Variants in NRF1 observed in about 807,000 individuals in gnomAD.
NRF1 encodes alpha palindromic-binding protein.
NRF1 carries 5 observed loss-of-function variants against 58.5 expected under a neutral mutation model. The ratio of observed to expected loss-of-function variants is 0.09; its 90% CI spans 0.04 to 0.18. The LOEUF (loss-of-function observed/expected upper bound fraction) is 0.18. NRF1 is among the 10% of genes least tolerant of loss of function. The pLI is 1.00. For missense variants in NRF1, 288 were observed against 657.7 expected (o/e 0.44, Z 6.15); for synonymous variants, 224 against 246.7 (o/e 0.91, Z 0.86).
At chr7:129,706,324 G>A (rs1349997660) in intron 5 of NRF1, among the ~76,000 whole-genome samples, 1 of 152,196 alleles carries the variant, frequency 6.6e-6, no homozygotes, top group African/African-American at 2.4e-5. Flanking sequence ...GCAAGGATAT[G>A]TGGGAAGAGG....
intron 5 of NRF1, among the ~76,000 whole-genome samples, chr7:129,702,411 T>C (rs1450040828): frequency 6.6e-6 from 1 of 152,122 alleles, no homozygotes; most frequent in Admixed American, 6.6e-5. Flanking sequence ...AACTTGCTCT[T>C]GTGGTTTCTA....
At chr7:129,636,829 A>G (rs1422659443) in intron 1 of NRF1, among the ~76,000 whole-genome samples, 1 of 152,200 alleles carries the variant, frequency 6.6e-6, no homozygotes, top group Non-Finnish European at 1.5e-5. Flanking sequence ...CAAAGCTGCC[A>G]GGGTGTTTGG....
intron 1 of NRF1, among the ~76,000 whole-genome samples, chr7:129,648,414 G>A (rs1372648700): frequency 6.6e-6 from 1 of 151,552 alleles, no homozygotes; most frequent in Non-Finnish European, 1.5e-5. Flanking sequence ...CGAGTAGCTG[G>A]GACTACAGGT....
At chr7:129,711,737 C>CT (rs1803078854) in intron 8 of NRF1, among the ~76,000 whole-genome samples, 161 bp downstream of exon 8, 1 of 152,172 alleles carries the variant, frequency 6.6e-6, no homozygotes, top group African/African-American at 2.4e-5. Context: ...GTGTCTTATG[C>CT]TATGTGTATT....
intron 9 of NRF1, 127 bp downstream of exon 9, chr7:129,717,503 C>A (rs1180133336): frequency 5.9e-6 from 6 of 1,024,530 alleles, no homozygotes; most frequent in African/African-American, 1.6e-5. Flanking sequence ...ACACTCTTGG[C>A]CCATACGATA....
intron 1 of NRF1, among the ~76,000 whole-genome samples, chr7:129,628,218 G>GT (rs1453467043): frequency 1.3e-5 from 2 of 149,856 alleles, no homozygotes; most frequent in African/African-American, 2.5e-5. Context: ...TAATTTTTTT[G>GT]TTTTTTTAGT....
chr7:129,735,192 C>T (rs779165850), intron 10 of NRF1: 148 of 985,274 alleles, frequency 1.5e-4, no homozygotes, highest in Non-Finnish European at 1.7e-4. Flanking sequence ...TCTCAACCCT[C>T]CCTCCTCATG....
intron 8 of NRF1, 29 bp downstream of exon 8, chr7:129,711,605 T>C: frequency 1.3e-6 from 2 of 1,531,744 alleles, no homozygotes; most frequent in Non-Finnish European, 1.8e-6. Context: ...CTGCATCTTC[T>C]TAAATACTTG....
chr7:129,663,961 C>T (rs1300030089), intron 2 of NRF1, among the ~76,000 whole-genome samples: 1 of 152,300 alleles, frequency 6.6e-6, no homozygotes, highest in Non-Finnish European at 1.5e-5. Context: ...CCCGTCTCCA[C>T]CAAAAATACG....
At chr7:129,747,662 A>G (rs1804011544) in intron 10 of NRF1, among the ~76,000 whole-genome samples, 1 of 152,250 alleles carries the variant, frequency 6.6e-6, no homozygotes, top group African/African-American at 2.4e-5. Context: ...ATGAGGAAAC[A>G]GGCTCACAAG....
chr7:129,657,861 T>C (rs1801694125), intron 2 of NRF1, among the ~76,000 whole-genome samples: 2 of 152,192 alleles, frequency 1.3e-5, no homozygotes, highest in South Asian at 4.1e-4. Context: ...TCCTTCTGCC[T>C]CGGCCTCCTA....
intron 5 of NRF1, among the ~76,000 whole-genome samples, chr7:129,696,085 A>AT (rs1366163625): frequency 1.8e-4 from 13 of 71,968 alleles, no homozygotes; most frequent in Admixed American, 1.4e-4. Flanking sequence ...AAAAAAAAAA[A>AT]ACAACCAAAT....
intron 1 of NRF1, among the ~76,000 whole-genome samples, chr7:129,634,081 C>CACAT (rs1801119554): frequency 6.8e-6 from 1 of 147,098 alleles, no homozygotes; most frequent in African/African-American, 2.5e-5. Flanking sequence ...CACACACACA[C>CACAT]ACACTTTATT....
chr7:129,633,066 A>G (rs899224977), intron 1 of NRF1, among the ~76,000 whole-genome samples: 2 of 152,208 alleles, frequency 1.3e-5, no homozygotes, highest in Admixed American at 6.5e-5. Context: ...AAGAAAATGA[A>G]TGAGCATTAT....
chr7:129,660,092 G>A (rs559465315), intron 2 of NRF1, among the ~76,000 whole-genome samples: 6 of 152,324 alleles, frequency 3.9e-5, no homozygotes, highest in African/African-American at 1.2e-4. Context: ...GAGAGAGCTT[G>A]TGCAGGGAAA....
chr7:129,699,683 A>C (rs1379125927), intron 5 of NRF1, among the ~76,000 whole-genome samples: 2 of 151,980 alleles, frequency 1.3e-5, no homozygotes, highest in South Asian at 2.1e-4. Context: ...GTGAGCCGAG[A>C]TCGCGCCACT....
intron 1 of NRF1, chr7:129,629,997 C>T (rs1313195680): frequency 6.6e-6 from 1 of 152,128 alleles, no homozygotes; most frequent in Non-Finnish European, 1.5e-5. Flanking sequence ...CTCAAGGACC[C>T]CCAGGGTCCC....
chr7:129,717,354 A>G lies in NRF1; in HGVS notation c.1201A>G (p.Thr401Ala). 6.2e-7 allele frequency: 1 copy of G among 1,613,130 alleles called. No homozygotes were observed. Among genetic ancestry groups the G allele is most frequent in the Non-Finnish European group, 8.5e-7 (1 of 1,179,708 alleles). The change falls in exon 9 of 11, where the codon ACA becomes GCA. Residue 401 changes from threonine (T) to alanine (A), a missense_variant. Physicochemically the swap from Thr to Ala is moderately conservative, Grantham distance 58 (BLOSUM62 0). Coordinates refer to ENST00000393232, the MANE Select transcript of NRF1 (RefSeq NM_005011.5). Reference protein sequence around the residue: ...AASQEMQQGATVTMALNSEAA... With the variant: ...AASQEMQQGAAVTMALNSEAA... ...TTCTCAGGAGATGCAGCAGGGAGCT[A>G]CAGTCACTATGGCGCTTAACAGGTG...
chr7:129,716,678 C>G (rs970427398), intron 8 of NRF1, among the ~76,000 whole-genome samples: 1 of 151,998 alleles, frequency 6.6e-6, no homozygotes, highest in Non-Finnish European at 1.5e-5. Context: ...TGAGACCAGC[C>G]TGGCCAACGT....
Sources: allele counts gnomAD v4.1 joint callset (sites outside exome capture counted in the v4.1 genomes callset), GRCh38; gene constraint gnomAD v4.1.1; transcripts MANE v1.5; gene names NCBI Gene and HGNC (gene_info 2026-07-23, HGNC 2026-07-21).